Variants in CDH1 observed in about 807,000 individuals in gnomAD.
The protein encoded by CDH1 is cadherin-1.
CDH1 carries 35 observed loss-of-function variants against 84.5 expected under a neutral mutation model. That is an observed-to-expected ratio of 0.41 (90% CI 0.32 to 0.55). CDH1 has a LOEUF of 0.55. CDH1 is among the 20% of genes least tolerant of loss of function. CDH1 has a pLI of 0.19. For missense variants in CDH1, 994 were observed against 1,126.6 expected (o/e 0.88, Z 1.68); for synonymous variants, 417 against 439.0 (o/e 0.95, Z 0.63).
intron 11 of CDH1, among the ~76,000 whole-genome samples, chr16:68,820,000 AC>A (rs1961096937): frequency 6.6e-6 from 1 of 152,090 alleles, no homozygotes; most frequent in Admixed American, 6.5e-5. Flanking sequence ...GGAGTTCAAG[AC>A]CAGCCTGGGT....
At chr16:68,751,131 G>A (rs1007220651) in intron 2 of CDH1, among the ~76,000 whole-genome samples, 10 of 152,134 alleles carry the variant, frequency 6.6e-5, no homozygotes, top group Admixed American at 2.0e-4. Context: ...AGTCAGAGTT[G>A]ATGGTTTTTA....
intron 2 of CDH1, among the ~76,000 whole-genome samples, chr16:68,760,075 C>CAT (rs71382069): frequency 0.058 from 7,414 of 127,452 alleles, 262 homozygotes; most frequent in Middle Eastern, 0.11. Context: ...TAAAGTATTC[C>CAT]ATATATATAT....
intron 2 of CDH1, among the ~76,000 whole-genome samples, chr16:68,748,457 A>G (rs1962805623): frequency 6.6e-6 from 1 of 152,160 alleles, no homozygotes; most frequent in Non-Finnish European, 1.5e-5. Flanking sequence ...TGGTGTGTAT[A>G]TTTATGGGGT....
chr16:68,740,810 A>AG lies in CDH1; in HGVS notation c.163+2401dup, dbSNP rs1460944492. ...CTCATTTAGTCTTCACTAGAACGTT[A>AG]GGAGGGTGGGCACTGTTATTCTTCC... On this transcript the variant is annotated intron_variant, in intron 2 of 15. Coordinates refer to ENST00000261769, the MANE Select transcript of CDH1 (RefSeq NM_004360.5). Among the ~76,000 whole-genome samples, 7 of 152,216 alleles carry AG rather than the reference A, an allele frequency of 4.6e-5. No individual in the cohort carries two copies. In the East Asian group the frequency reaches 1.4e-3, roughly 29 times the overall value.
chr16:68,766,416 G>C (rs1025115123), intron 2 of CDH1, among the ~76,000 whole-genome samples: 1 of 152,162 alleles, frequency 6.6e-6, no homozygotes, highest in African/African-American at 2.4e-5. Context: ...ACTGGCCCAG[G>C]CTCTCCCAAA....
intron 3 of CDH1, among the ~76,000 whole-genome samples, chr16:68,807,922 AT>A (rs1191605711): frequency 6.6e-6 from 1 of 152,120 alleles, no homozygotes; most frequent in Non-Finnish European, 1.5e-5. Flanking sequence ...AAATACAAAA[AT>A]TAGTCAGCCA....
intron 2 of CDH1, among the ~76,000 whole-genome samples, chr16:68,799,246 C>G (rs1026909455): frequency 6.6e-6 from 1 of 152,216 alleles, no homozygotes; most frequent in East Asian, 1.9e-4. Context: ...CCTGCTCACC[C>G]CATCCTTTCC....
chr16:68,820,232 T>C (rs76685922), intron 11 of CDH1, among the ~76,000 whole-genome samples: 8,315 of 152,086 alleles, frequency 0.055, 290 homozygotes, highest in African/African-American at 0.089. Context: ...GTAATTTTGG[T>C]CAAACAGAAC....
intron 2 of CDH1, among the ~76,000 whole-genome samples, chr16:68,745,136 C>T (rs1316792544): frequency 2.6e-5 from 4 of 151,486 alleles, no homozygotes; most frequent in African/African-American, 7.3e-5. Context: ...CAGCTAGGGC[C>T]GGGGGAGTCG....
chr16:68,808,669 C>A (rs1278417553), intron 4 of CDH1, 24 bp from the exon 5 acceptor site: 4 of 1,613,750 alleles, frequency 2.5e-6, no homozygotes, highest in East Asian at 2.2e-5. Context: ...TTTACTAATT[C>A]TTTTTCTTTC....
chr16:68,754,251 AT>A (rs1962965406), intron 2 of CDH1, among the ~76,000 whole-genome samples: 1 of 151,942 alleles, frequency 6.6e-6, no homozygotes, highest in African/African-American at 2.4e-5. Context: ...TCTACAAAAG[AT>A]TTTTAAAAAT....
At chr16:68,776,630 A>G (rs1349318371) in intron 2 of CDH1, among the ~76,000 whole-genome samples, 2 of 152,134 alleles carry the variant, frequency 1.3e-5, no homozygotes, top group African/African-American at 4.8e-5. Context: ...TGGCTTTTTC[A>G]AAGTGCTGGG....
Position 68,816,301 on chromosome 16 carries a change from C to T in CDH1, c.1565+542C>T, listed in dbSNP as rs35641889. ...TGCTGGGATTACAGGCGTGAGCCACCGCACCCAGCCCATAGTATTGTGTTC... is the reference window on the plus strand; with the variant it reads ...TGCTGGGATTACAGGCGTGAGCCACTGCACCCAGCCCATAGTATTGTGTTC... On this transcript the variant is annotated intron_variant, in intron 10 of 15. Coordinates refer to ENST00000261769, the MANE Select transcript of CDH1 (RefSeq NM_004360.5). Among the ~76,000 whole-genome samples the T allele has an allele frequency of 7.8e-3, 1,184 of 152,260 alleles. 12 individuals are homozygous for T. The highest frequency in any genetic ancestry group is 0.027 in the African/African-American group (1,113 of 41,544).
At position 68,811,679 on chromosome 16, in the gene CDH1, T is replaced by C. The variant is rs1442230892; in HGVS notation, c.833-5T>C. 1 of 1,613,902 alleles carries C rather than the reference T, an allele frequency of 6.2e-7. No homozygotes were observed. The highest frequency in any genetic ancestry group is 8.5e-7 in the Non-Finnish European group (1 of 1,179,960). On this transcript the variant is annotated splice_region_variant and splice_polypyrimidine_tract_variant and intron_variant, in intron 6 of 15. Coordinates refer to ENST00000261769, the MANE Select transcript of CDH1 (RefSeq NM_004360.5). ...CTAAACCTTCATCTCCTTGAACTCTTCCAGGAACCTCTGTGATGGAGGTCA... is the reference window on the plus strand; with the variant it reads ...CTAAACCTTCATCTCCTTGAACTCTCCCAGGAACCTCTGTGATGGAGGTCA...
intron 2 of CDH1, among the ~76,000 whole-genome samples, chr16:68,775,812 G>A (rs528157270): frequency 2.6e-5 from 4 of 152,170 alleles, no homozygotes; most frequent in Non-Finnish European, 4.4e-5. Flanking sequence ...GGTCAAGAAA[G>A]TGTAAACTTA....
intron 2 of CDH1, among the ~76,000 whole-genome samples, chr16:68,749,048 G>A (rs1216872548): frequency 6.6e-6 from 1 of 152,148 alleles, no homozygotes; most frequent in Non-Finnish European, 1.5e-5. Flanking sequence ...AGTTGGCCAG[G>A]CTGGTCTTGA....
chr16:68,776,693 C>A (rs892158171), intron 2 of CDH1, among the ~76,000 whole-genome samples: 5 of 152,098 alleles, frequency 3.3e-5, no homozygotes, highest in African/African-American at 4.8e-5. Context: ...TATATTGCAG[C>A]TTTTAAAGAA....
intron 2 of CDH1, among the ~76,000 whole-genome samples, chr16:68,750,054 C>A (rs1337459525): frequency 6.6e-6 from 1 of 151,600 alleles, no homozygotes; most frequent in African/African-American, 2.4e-5. Context: ...TCAAGCAATC[C>A]TCCCATCTTG....
chr16:68,778,900 G>T (rs1458313418), intron 2 of CDH1, among the ~76,000 whole-genome samples: 1 of 152,016 alleles, frequency 6.6e-6, no homozygotes, highest in East Asian at 1.9e-4. Flanking sequence ...TCTCTTCCTG[G>T]CTCCCTTGGT....
Sources: gnomAD v4.1 joint callset for allele counts (sites outside exome capture counted in the v4.1 genomes callset) on GRCh38, gnomAD v4.1.1 for gene constraint, MANE v1.5 for transcripts, NCBI Gene and HGNC (gene_info 2026-07-23, HGNC 2026-07-21) for gene names.